The following OR1J2 variants were observed in gnomAD, a reference collection of about 807,000 sequenced individuals.
OR1J2 encodes the protein olfactory receptor 1J2.
For missense variants in OR1J2, 304 were observed against 246.1 expected, an observed-to-expected ratio of 1.24 and a Z score of -1.57; for synonymous variants, 142 against 99.7, an observed-to-expected ratio of 1.42 and a Z score of -2.52.
chr9:122,524,709 G>A, the OR1J2 span, among the ~76,000 whole-genome samples: 1 of 152,156 alleles, frequency 6.6e-6, no homozygotes, highest in Non-Finnish European at 1.5e-5. Flanking sequence ...ACCAGAAGGC[G>A]ACATAGACAC....
At chr9:122,579,881 A>ATG in the OR1J2 span, among the ~76,000 whole-genome samples, 2 of 152,202 alleles carry the variant, frequency 1.3e-5, no homozygotes, top group Non-Finnish European at 2.9e-5. Context: ...AGGCTCTAGG[A>ATG]TGAGTCTCTA....
chr9:122,516,634 A>C (rs1828703852), downstream of OR1J2, among the ~76,000 whole-genome samples: 1 of 152,144 alleles, frequency 6.6e-6, no homozygotes, highest in Non-Finnish European at 1.5e-5. Context: ...ATTTATGCAG[A>C]TAGAAATAGG....
the OR1J2 span, among the ~76,000 whole-genome samples, chr9:122,463,509 CAT>C: frequency 6.6e-6 from 1 of 152,100 alleles, no homozygotes; most frequent in African/African-American, 2.4e-5. Context: ...CTTGTTTTGT[CAT>C]ATTGCCAGCA....
the OR1J2 span, among the ~76,000 whole-genome samples, chr9:122,500,192 C>T: frequency 6.6e-6 from 1 of 152,172 alleles, no homozygotes; most frequent in African/African-American, 2.4e-5. Context: ...GGGAAAATGT[C>T]TGCAGTTTTT....
At chr9:122,520,000 C>T in the OR1J2 span, 2 of 1,614,162 alleles carry the variant, frequency 1.2e-6, 1 homozygote, top group South Asian at 2.2e-5. Flanking sequence ...TTGCTGAATC[C>T]CTTCATTTAT....
chr9:122,491,636 A>T, the OR1J2 span, among the ~76,000 whole-genome samples: 6 of 152,216 alleles, frequency 3.9e-5, no homozygotes, highest in African/African-American at 1.4e-4. Flanking sequence ...CATTGGATTT[A>T]GTAATAATGA....
the OR1J2 span, among the ~76,000 whole-genome samples, chr9:122,560,995 T>A: frequency 6.6e-6 from 1 of 152,180 alleles, no homozygotes; most frequent in Non-Finnish European, 1.5e-5. Flanking sequence ...TTTTACATAG[T>A]CCCATATTTC....
chr9:122,461,395 T>A, the OR1J2 span, among the ~76,000 whole-genome samples: 1 of 89,278 alleles, frequency 1.1e-5, no homozygotes, highest in African/African-American at 5.3e-5. Context: ...ATCTTTTGTA[T>A]TTTTTTTTGT....
At chr9:122,522,431 T>C in the OR1J2 span, among the ~76,000 whole-genome samples, 1 of 152,164 alleles carries the variant, frequency 6.6e-6, no homozygotes, top group African/African-American at 2.4e-5. Flanking sequence ...GACATGGAAA[T>C]TTTAAGAGTA....
chr9:122,533,070 G>A, the OR1J2 span, among the ~76,000 whole-genome samples: 52 of 152,238 alleles, frequency 3.4e-4, no homozygotes, highest in African/African-American at 1.1e-3. Flanking sequence ...AAGTGAAAGC[G>A]AAGAGAGGCC....
the OR1J2 span, among the ~76,000 whole-genome samples, chr9:122,550,643 A>C: frequency 2.5e-3 from 381 of 152,274 alleles, no homozygotes; most frequent in African/African-American, 8.4e-3. Flanking sequence ...AATTTAAAAT[A>C]AAAACCTTAT....
chr9:122,540,073 C>A, the OR1J2 span, among the ~76,000 whole-genome samples: 2 of 152,054 alleles, frequency 1.3e-5, no homozygotes, highest in African/African-American at 4.8e-5. Context: ...GTTGCCTGTT[C>A]ACTCTGATGG....
At chr9:122,506,721 T>C (rs1426128965), upstream of OR1J2, among the ~76,000 whole-genome samples, 1 of 151,520 alleles carries the variant, frequency 6.6e-6, no homozygotes, top group Non-Finnish European at 1.5e-5. Context: ...AGATAGAATG[T>C]AAAAAGACAC....
chr9:122,557,708 A>T, the OR1J2 span, among the ~76,000 whole-genome samples: 1 of 152,052 alleles, frequency 6.6e-6, no homozygotes, highest in African/African-American at 2.4e-5. Flanking sequence ...GTATTAGAGT[A>T]TTGCTGGCCT....
the OR1J2 span, among the ~76,000 whole-genome samples, chr9:122,457,885 C>CT: frequency 1.3e-5 from 2 of 152,158 alleles, no homozygotes; most frequent in East Asian, 3.9e-4. Context: ...ACAAAATACT[C>CT]TATCTCTATT....
chr9:122,547,082 A>T, the OR1J2 span, among the ~76,000 whole-genome samples: 4 of 151,106 alleles, frequency 2.6e-5, 1 homozygote, highest in South Asian at 8.4e-4. Context: ...TAATTTTTTT[A>T]AAAAGAATAT....
At chr9:122,459,975 A>T in the OR1J2 span, among the ~76,000 whole-genome samples, 1 of 151,888 alleles carries the variant, frequency 6.6e-6, no homozygotes, top group Admixed American at 6.6e-5. Flanking sequence ...TTTTGCACCA[A>T]CCTAATATTA....
chr9:122,557,953 A>G, the OR1J2 span, among the ~76,000 whole-genome samples: 2 of 151,964 alleles, frequency 1.3e-5, no homozygotes. Context: ...TGGCTTTCCA[A>G]GAATTGGTCC....
the OR1J2 span, among the ~76,000 whole-genome samples, chr9:122,496,679 T>C: frequency 6.6e-6 from 1 of 152,028 alleles, no homozygotes. Flanking sequence ...AAGATGAACA[T>C]TGGTTTGGTC....
Sources: gnomAD v4.1 joint callset for allele counts (sites outside exome capture counted in the v4.1 genomes callset) on GRCh38, gnomAD v4.1.1 for gene constraint, MANE v1.5 for transcripts, NCBI Gene and HGNC (gene_info 2026-07-23, HGNC 2026-07-21) for gene names.